TNR: variants seen among roughly 807,000 people sequenced by gnomAD.
TNR encodes tenascin R, also known as tenascin-R.
TNR carries 45 observed loss-of-function variants against 150.4 expected under a neutral mutation model. The ratio of observed to expected loss-of-function variants is 0.30; its 90% CI spans 0.24 to 0.38. The LOEUF (loss-of-function observed/expected upper bound fraction) is 0.38. Ranked by LOEUF, TNR falls within the 10% of genes least tolerant of loss-of-function variation. The pLI is 1.00. For missense variants in TNR, 1,544 were observed against 1,759.1 expected, an observed-to-expected ratio of 0.88 and a Z score of 2.19; for synonymous variants, 687 against 678.4, an observed-to-expected ratio of 1.01 and a Z score of -0.20.
intron 2 of TNR, among the ~76,000 whole-genome samples, chr1:175,519,686 A>T (rs1251033106): frequency 6.6e-6 from 1 of 152,184 alleles, no homozygotes; most frequent in African/African-American, 2.4e-5. Flanking sequence ...AGGTTGCTCT[A>T]CAGGGGTGCC....
At chr1:175,558,494 A>G (rs908804463) in intron 1 of TNR, among the ~76,000 whole-genome samples, 2 of 152,192 alleles carry the variant, frequency 1.3e-5, no homozygotes, top group African/African-American at 2.4e-5. Flanking sequence ...CAACTTTTCC[A>G]AAATGAGTGC....
At chr1:175,462,477 G>A (rs554305088) in intron 2 of TNR, among the ~76,000 whole-genome samples, 14 of 152,232 alleles carry the variant, frequency 9.2e-5, no homozygotes, top group Admixed American at 1.3e-4. Flanking sequence ...AGATGTGCCC[G>A]TCCACAGAAG....
chr1:175,613,237 T>G (rs766375060), intron 1 of TNR, among the ~76,000 whole-genome samples: 3 of 152,186 alleles, frequency 2.0e-5, no homozygotes, highest in Non-Finnish European at 4.4e-5. Context: ...TCTAGGCTTC[T>G]GAGTCTCTGT....
At chr1:175,716,161 G>C (rs1000642844) in intron 1 of TNR, among the ~76,000 whole-genome samples, 2 of 152,062 alleles carry the variant, frequency 1.3e-5, no homozygotes, top group Non-Finnish European at 2.9e-5. Context: ...GAGCCCTCTG[G>C]TCTTCTCTTT....
intron 1 of TNR, among the ~76,000 whole-genome samples, chr1:175,603,045 G>A (rs1475794786): frequency 1.3e-5 from 2 of 152,222 alleles, no homozygotes; most frequent in African/African-American, 4.8e-5. Context: ...AATTACGTGT[G>A]CTAGTTCTGA....
intron 2 of TNR, among the ~76,000 whole-genome samples, chr1:175,436,645 TCA>T (rs1275627390): frequency 6.6e-6 from 1 of 152,038 alleles, no homozygotes; most frequent in African/African-American, 2.4e-5. Flanking sequence ...CACCTCACGT[TCA>T]GAGACACACA....
chr1:175,606,140 T>C (rs867318655), intron 1 of TNR, among the ~76,000 whole-genome samples: 30 of 152,368 alleles, frequency 2.0e-4, no homozygotes, highest in Middle Eastern at 3.4e-3. Flanking sequence ...AATAAAAATT[T>C]GTCAGACTAT....
rs997660288 is a variant in TNR, at chr1:175,492,884, C to T, written c.-64+35385G>A. ...AAGTTAAAAACAAAATCTGTTCCCACATATGGGCCTCCAGAGGCACATTTA... is the reference window on the plus strand; with the variant it reads ...AAGTTAAAAACAAAATCTGTTCCCATATATGGGCCTCCAGAGGCACATTTA... On this transcript the variant is annotated intron_variant, in intron 2 of 22. Coordinates refer to ENST00000367674, the MANE Select transcript of TNR (RefSeq NM_003285.3). Among the ~76,000 whole-genome samples the T allele has an allele frequency of 1.7e-4, 26 of 152,304 alleles. 1 individual carries two copies. The highest frequency in any genetic ancestry group is 2.1e-4 in the South Asian group (1 of 4,820).
chr1:175,582,652 G>A (rs183715626), intron 1 of TNR, among the ~76,000 whole-genome samples: 56 of 152,304 alleles, frequency 3.7e-4, no homozygotes, highest in Middle Eastern at 3.4e-3. Flanking sequence ...TGGACTAGTA[G>A]TATCAGTGTT....
intron 1 of TNR, among the ~76,000 whole-genome samples, chr1:175,563,849 G>T (rs1661530723): frequency 6.6e-6 from 1 of 152,172 alleles, no homozygotes; most frequent in East Asian, 1.9e-4. Context: ...TGTTGGCTGG[G>T]TGATAAAGGT....
chr1:175,695,923 T>C (rs190570381), intron 1 of TNR, among the ~76,000 whole-genome samples: 9 of 152,288 alleles, frequency 5.9e-5, no homozygotes, highest in Non-Finnish European at 2.9e-5. Flanking sequence ...AATATAGTCA[T>C]TGAATACATA....
At chr1:175,534,445 C>T (rs1371847946) in intron 1 of TNR, among the ~76,000 whole-genome samples, 1 of 152,236 alleles carries the variant, frequency 6.6e-6, no homozygotes, top group Admixed American at 6.5e-5. Context: ...GATTGTATCA[C>T]ACCTCCTAGA....
chr1:175,733,834 G>T (rs1667704819), intron 1 of TNR, among the ~76,000 whole-genome samples: 1 of 152,146 alleles, frequency 6.6e-6, no homozygotes, highest in African/African-American at 2.4e-5. Context: ...GTCCAGTCTG[G>T]AAGGGCATCC....
Position 175,355,614 on chromosome 1 carries a change from G to T in TNR, c.3138C>A (p.Asn1046Lys). The change falls in exon 17 of 23, where the codon AAC becomes AAA. Residue 1046 changes from asparagine (N) to lysine (K), a missense_variant. Asn to Lys is a moderately conservative substitution (Grantham distance 94). Coordinates refer to ENST00000367674, the MANE Select transcript of TNR (RefSeq NM_003285.3). The stretch of plus-strand genomic sequence containing the variant: ...GTCTGGTGACTTCACTGGCTGTCAG[G>T]TTTGCCGGAGGGTCCAGGACTGCAA... ...NFSTLLDPPANLTASEVTRQS... is the reference protein window; with the variant it reads ...NFSTLLDPPAKLTASEVTRQS... The T allele has an allele frequency of 6.2e-7, 1 of 1,614,058 alleles. No individual in the cohort carries two copies. The highest frequency in any genetic ancestry group is 8.5e-7 in the Non-Finnish European group (1 of 1,179,916).
chr1:175,440,561 A>C (rs1183685948), intron 2 of TNR, among the ~76,000 whole-genome samples: 1 of 151,970 alleles, frequency 6.6e-6, no homozygotes, highest in East Asian at 1.9e-4. Flanking sequence ...AGGAAAAAAA[A>C]GTGAAAAAAG....
intron 15 of TNR, 117 bp downstream of exon 15, chr1:175,359,495 C>A (rs896801380): frequency 5.8e-6 from 9 of 1,541,596 alleles, no homozygotes; most frequent in Non-Finnish European, 7.1e-6. Context: ...GAAGTAGGAA[C>A]TTTTCTAATC....
chr1:175,663,964 G>T (rs1665457790), intron 1 of TNR, among the ~76,000 whole-genome samples: 1 of 152,210 alleles, frequency 6.6e-6, no homozygotes. Flanking sequence ...GAGCTCACCA[G>T]CATTTAGAAC....
At chr1:175,608,797 A>G (rs930352567) in intron 1 of TNR, among the ~76,000 whole-genome samples, 2 of 152,234 alleles carry the variant, frequency 1.3e-5, no homozygotes, top group African/African-American at 4.8e-5. Flanking sequence ...GAAATGTGCA[A>G]AGTAAAACAG....
intron 1 of TNR, among the ~76,000 whole-genome samples, chr1:175,562,698 G>A (rs1342397308): frequency 6.6e-6 from 1 of 152,204 alleles, no homozygotes; most frequent in East Asian, 1.9e-4. Context: ...GCTCAGTAGA[G>A]GCCACTACTG....
Sources: allele counts gnomAD v4.1 joint callset (sites outside exome capture counted in the v4.1 genomes callset), GRCh38; gene constraint gnomAD v4.1.1; transcripts MANE v1.5; gene names NCBI Gene and HGNC (gene_info 2026-07-23, HGNC 2026-07-21).